Variants in BCO1 observed in about 807,000 individuals in gnomAD.
The protein encoded by BCO1 is beta-carotene oxygenase 1, also known as beta,beta-carotene 15,15'-dioxygenase.
In BCO1, 54 loss-of-function variants were observed where a neutral mutation model predicts 56.3. The ratio of observed to expected loss-of-function variants is 0.96; its 90% CI spans 0.77 to 1.20. The LOEUF is 1.20. Ranked by LOEUF, BCO1 falls within the 50% of genes most tolerant of loss-of-function variation. BCO1 has a pLI of 0.00. For missense variants in BCO1, 801 were observed against 690.9 expected, an observed-to-expected ratio of 1.16 and a Z score of -1.79; for synonymous variants, 318 against 266.1, an observed-to-expected ratio of 1.20 and a Z score of -1.90.
intron 5 of BCO1, 47 bp from the exon 6 acceptor site, chr16:81,267,861 C>T: frequency 1.3e-6 from 2 of 1,560,772 alleles, no homozygotes; most frequent in Non-Finnish European, 1.8e-6. Flanking sequence ...CTTGGGGGGG[C>T]AGCCAGATCC....
intron 2 of BCO1, among the ~76,000 whole-genome samples, chr16:81,254,011 C>T (rs920652148): frequency 6.6e-6 from 1 of 152,098 alleles, no homozygotes; most frequent in Non-Finnish European, 1.5e-5. Context: ...ACAGTAACCA[C>T]CCCTGAAAAG....
At chr16:81,265,689 C>T (rs577141901) in intron 5 of BCO1, among the ~76,000 whole-genome samples, 1 of 151,230 alleles carries the variant, frequency 6.6e-6, no homozygotes, top group South Asian at 2.1e-4. Flanking sequence ...CACCCACCAT[C>T]CATCCACCAT....
chr16:81,269,242 C>T (rs973024672), intron 6 of BCO1, among the ~76,000 whole-genome samples: 1 of 151,648 alleles, frequency 6.6e-6, no homozygotes, highest in African/African-American at 2.4e-5. Context: ...GGAGCCACTG[C>T]TACCCACTGA....
In BCO1 at chr16:81,279,669, G is replaced by A. The variant is rs944650174; in HGVS notation, c.1102-1188G>A. ...CCAACTGACTTGCTCAAGGCCCCAC[G>A]GTTAGTACATGAGGGAAACAGGGAG... On this transcript the variant is annotated intron_variant, in intron 7 of 10. Coordinates refer to ENST00000258168, the MANE Select transcript of BCO1 (RefSeq NM_017429.3). Among the ~76,000 whole-genome samples, 9 of 152,192 alleles carry A rather than the reference G, an allele frequency of 5.9e-5. No individual in the cohort carries two copies. In the East Asian group the frequency reaches 7.7e-4, roughly 13 times the overall value.
chr16:81,241,184 C>T (rs183543528), intron 1 of BCO1, among the ~76,000 whole-genome samples: 11 of 151,886 alleles, frequency 7.2e-5, no homozygotes, highest in African/African-American at 2.4e-4. Context: ...CATGGTGGTG[C>T]ATATCTATAA....
chr16:81,249,299 C>G (rs1905636505), intron 2 of BCO1, among the ~76,000 whole-genome samples: 1 of 152,030 alleles, frequency 6.6e-6, no homozygotes. Context: ...CTCTGTCACC[C>G]AGGCTGGAGT....
chr16:81,256,914 C>G (rs908214831), intron 2 of BCO1, among the ~76,000 whole-genome samples: 1 of 151,902 alleles, frequency 6.6e-6, no homozygotes. Flanking sequence ...AGTTATCAGG[C>G]CTGCAAACCT....
In BCO1 at chr16:81,259,802, C is replaced by T; in HGVS notation, c.320C>T (p.Ser107Phe). Residue 107 changes from serine (S) to phenylalanine (F), a missense_variant, in exon 3 of 11, where the codon TCC (serine) becomes TTC (phenylalanine). Physicochemically the swap from Ser to Phe is radical, Grantham distance 155. Coordinates refer to ENST00000258168, the MANE Select transcript of BCO1 (RefSeq NM_017429.3). ...AYPDPCKNIF[S>F]KAFSYLSHTI... Reference sequence around the variant, plus strand: ...CCGGACCCCTGCAAAAACATATTTTCCAAGTAACTGCCTATTTTAAATCTG... The same window carrying T: ...CCGGACCCCTGCAAAAACATATTTTTCAAGTAACTGCCTATTTTAAATCTG... 2 of 1,614,196 alleles carry T rather than the reference C, an allele frequency of 1.2e-6. No homozygotes were observed. Among genetic ancestry groups the T allele is most frequent in the Non-Finnish European group, 1.7e-6 (2 of 1,180,012 alleles).
At position 81,270,413 on chromosome 16, in the gene BCO1, C is replaced by G; in HGVS notation, c.1098C>G (p.Asp366Glu). The G allele has an allele frequency of 1.2e-6, 2 of 1,613,820 alleles. No homozygotes were observed. The highest frequency in any genetic ancestry group is 2.2e-5 in the East Asian group (1 of 44,852). The change falls in exon 7 of 11, where the codon GAC becomes GAG. Residue 366 changes from aspartate (D) to glutamate (E), a missense_variant. Transcript: ENST00000258168. Reference sequence around the variant, plus strand: ...GGTTTGCCGTGCCCCTCCACGTGGACAAGGTAATGGCTTCCAAGGAGGTCC... The same window carrying G: ...GGTTTGCCGTGCCCCTCCACGTGGAGAAGGTAATGGCTTCCAAGGAGGTCC... ...LRRFAVPLHVDKNAEVGTNLI... is the reference protein window; with the variant it reads ...LRRFAVPLHVEKNAEVGTNLI...
At chr16:81,280,124 A>C (rs1402962179) in intron 7 of BCO1, among the ~76,000 whole-genome samples, 1 of 151,794 alleles carries the variant, frequency 6.6e-6, no homozygotes, top group Non-Finnish European at 1.5e-5. Flanking sequence ...TTAGCCAGGC[A>C]TGGTGGAATG....
chr16:81,285,451 T>C, intron 8 of BCO1, 89 bp from the exon 9 acceptor site: 1 of 975,414 alleles, frequency 1.0e-6, no homozygotes, highest in African/African-American at 1.6e-5. Context: ...AAACGGATTC[T>C]GAGGAAAGGC....
intron 4 of BCO1, 197 bp downstream of exon 4, chr16:81,262,480 G>T: frequency 1.6e-6 from 1 of 628,068 alleles, no homozygotes; most frequent in South Asian, 1.7e-5. Context: ...CTTCGTGTCT[G>T]TATCAGTTTC....
chr16:81,250,643 C>T (rs1355366378), intron 2 of BCO1, among the ~76,000 whole-genome samples: 3 of 142,662 alleles, frequency 2.1e-5, no homozygotes, highest in African/African-American at 5.3e-5. Flanking sequence ...TACAGTGGCA[C>T]GATCTCAGCT....
chr16:81,251,410 G>C (rs1022290626), intron 2 of BCO1, among the ~76,000 whole-genome samples: 16 of 151,848 alleles, frequency 1.1e-4, no homozygotes, highest in Non-Finnish European at 2.1e-4. Context: ...AAATCAAAAA[G>C]TTATCCAGGC....
rs191258071 is a variant in BCO1, at chr16:81,240,443, C to T, written c.64+1471C>T. The stretch of plus-strand genomic sequence containing the variant: ...CCCCACGGCCAGGTGCGGTGGCTCA[C>T]GCCTGTGGTCCCAGCACTTTCGGAG... On this transcript the variant is annotated intron_variant, in intron 1 of 10. Transcript: ENST00000258168. Among the ~76,000 whole-genome samples, 350 of 152,200 alleles carry T rather than the reference C, an allele frequency of 2.3e-3. 1 individual carries two copies. Among genetic ancestry groups the T allele is most frequent in the Admixed American group, 0.011 (163 of 15,280 alleles).
intron 8 of BCO1, among the ~76,000 whole-genome samples, chr16:81,282,283 G>A (rs1433747911): frequency 3.3e-5 from 5 of 152,124 alleles, no homozygotes; most frequent in Non-Finnish European, 5.9e-5. Flanking sequence ...TACTCAGGAG[G>A]TTGTGGCAGG....
rs538800922 is a variant in BCO1 at position 81,278,262 on chromosome 16, G to A, written c.1102-2595G>A. Among the ~76,000 whole-genome samples, 24 of 152,130 alleles carry A rather than the reference G, an allele frequency of 1.6e-4. No homozygotes were observed. The South Asian group carries it at 2.3e-3, about 15-fold the overall frequency. On this transcript the variant is annotated intron_variant, in intron 7 of 10. Coordinates refer to ENST00000258168, the MANE Select transcript of BCO1 (RefSeq NM_017429.3). ...TCACCATGTTAGCCAGGCTGGTCTC[G>A]AACTCCTGACCTCAGATGATCCACC... is the stretch of plus-strand genomic sequence containing the variant.
intron 2 of BCO1, among the ~76,000 whole-genome samples, chr16:81,248,528 C>T (rs929648359): frequency 6.6e-6 from 1 of 151,904 alleles, no homozygotes; most frequent in South Asian, 2.1e-4. Context: ...AATAGAGACA[C>T]GATGGGTGAA....
At chr16:81,275,508 A>T (rs7192170) in intron 7 of BCO1, among the ~76,000 whole-genome samples, 74,120 of 151,952 alleles carry the variant, frequency 0.49, 18,441 homozygotes, top group East Asian at 0.79. Context: ...CATTTATCTC[A>T]AGTGTAAGTA....
Sources: allele counts gnomAD v4.1 joint callset (sites outside exome capture counted in the v4.1 genomes callset), GRCh38; gene constraint gnomAD v4.1.1; transcripts MANE v1.5; gene names NCBI Gene and HGNC (gene_info 2026-07-23, HGNC 2026-07-21).